The following LACTBL1 variants were observed in gnomAD, a reference collection of about 807,000 sequenced individuals.
The protein encoded by LACTBL1 is lactamase beta like 1.
LACTBL1 carries 29 observed loss-of-function variants against 39.6 expected under a neutral mutation model. The observed-to-expected ratio is 0.73, with a 90% CI of 0.55 to 1.00. The LOEUF (loss-of-function observed/expected upper bound fraction) is 1.00, where lower values mean the gene tolerates loss of function less well. Among genes scored for constraint, LACTBL1 ranks in the 50% least tolerant of loss-of-function variants. LACTBL1 has a pLI of 0.00. For missense variants in LACTBL1, 711 were observed against 748.5 expected (o/e 0.95, Z 0.59); for synonymous variants, 361 against 360.7 (o/e 1.00, Z -0.01).
chr1:22,971,465 A>G, the LACTBL1 span, among the ~76,000 whole-genome samples: 1 of 151,854 alleles, frequency 6.6e-6, no homozygotes, highest in Non-Finnish European at 1.5e-5. Context: ...GCCCAGGAAG[A>G]ACCAGGCTCT....
At chr1:22,968,768 G>A (rs1039963198), upstream of LACTBL1, among the ~76,000 whole-genome samples, 5 of 152,154 alleles carry the variant, frequency 3.3e-5, no homozygotes, top group Admixed American at 6.5e-5. Context: ...TTCCTCACCT[G>A]TAAAATGGGG....
At chr1:22,955,263 G>GGT in intron 5 of LACTBL1, 58 bp downstream of exon 7, 1 of 1,359,674 alleles carries the variant, frequency 7.4e-7, no homozygotes, top group Non-Finnish European at 1.0e-6. Flanking sequence ...TTGCCAGGCA[G>GGT]GTGTGTCTCC....
intron 4 of LACTBL1, among the ~76,000 whole-genome samples, chr1:22,957,848 C>T (rs1640777815): frequency 6.6e-6 from 1 of 151,894 alleles, no homozygotes; most frequent in Admixed American, 6.6e-5. Flanking sequence ...GACAGCGTTT[C>T]ACCATGTTGG....
At chr1:22,953,900 C>G in exon 6 of LACTBL1, 2 of 1,550,234 alleles carry the variant, frequency 1.3e-6, no homozygotes, top group Non-Finnish European at 1.7e-6. Context: ...AGGTCAAAGC[C>G]CGTGTCTGCC....
At chr1:22,962,968 T>G (rs1288641963) in intron 2 of LACTBL1, 139 bp downstream of exon 4, 1 of 431,988 alleles carries the variant, frequency 2.3e-6, no homozygotes, top group East Asian at 3.6e-5. Flanking sequence ...CCATAGTGCC[T>G]CGCACAGAGT....
At chr1:22,957,906 C>T (rs1328322284) in intron 4 of LACTBL1, among the ~76,000 whole-genome samples, 1 of 152,104 alleles carries the variant, frequency 6.6e-6, no homozygotes, top group Non-Finnish European at 1.5e-5. Context: ...CCCGCCTCAA[C>T]CTTCCAAAGT....
At chr1:22,961,932 G>A (rs899728373) in intron 2 of LACTBL1, among the ~76,000 whole-genome samples, 3 of 151,976 alleles carry the variant, frequency 2.0e-5, no homozygotes, top group Non-Finnish European at 4.4e-5. Context: ...ATTTTTAGTA[G>A]AGACAGGCTT....
At chr1:22,963,243 G>T in intron 1 of LACTBL1, 27 bp from the exon 4 acceptor site, 1 of 1,244,624 alleles carries the variant, frequency 8.0e-7, no homozygotes, top group African/African-American at 1.6e-5. Context: ...ATGGTGAGGA[G>T]GGGACAGAGA....
rs570859619 is a variant in LACTBL1, at chr1:22,959,660, C to T, written c.317+282G>A. On this transcript the variant is annotated intron_variant, in intron 3 of 5. Transcript: ENST00000426928. Reference sequence around the variant, plus strand: ...ACATGGTCAGGGTTGGGGGGATGGGCACAAGGTAGCCTTTTCTAGTTTGGG... The same window carrying T: ...ACATGGTCAGGGTTGGGGGGATGGGTACAAGGTAGCCTTTTCTAGTTTGGG... 7.2e-5 allele frequency among the ~76,000 whole-genome samples: 11 copies of T among 152,348 alleles called. No homozygotes were observed. The East Asian group carries it at 2.1e-3, about 29-fold the overall frequency.
chr1:22,955,283 T>G, intron 5 of LACTBL1, 38 bp downstream of exon 7: 1 of 1,491,518 alleles, frequency 6.7e-7, no homozygotes, highest in South Asian at 1.2e-5. Flanking sequence ...CCCAGGAGGC[T>G]CCTAACATGA....
chr1:22,953,479 T>C (rs1171411695), exon 6 of LACTBL1: 2 of 1,230,076 alleles, frequency 1.6e-6, no homozygotes, highest in African/African-American at 3.1e-5. Context: ...GAGCTCATCG[T>C]AGGCCCGCGC....
exon 1 of LACTBL1, chr1:22,965,331 C>T: frequency 7.6e-7 from 1 of 1,308,564 alleles, no homozygotes; most frequent in African/African-American, 1.5e-5. Flanking sequence ...CAGGAAGCAG[C>T]CAGTCATGAC....
chr1:22,961,898 C>T (rs560021080), intron 2 of LACTBL1, among the ~76,000 whole-genome samples: 2 of 152,270 alleles, frequency 1.3e-5, no homozygotes, highest in South Asian at 4.1e-4. Flanking sequence ...AGGCATATGC[C>T]ACCATGCCCG....
Position 22,953,088 on chromosome 1 carries a change from G to T in LACTBL1, c.1596C>A (p.Tyr532Ter), listed in dbSNP as rs1640718948. Reference sequence around the variant, plus strand: ...GCTTGCCCCGCAGCCGCAGCACTCTGTACGTGTTGAGGCCGGGCACGTCGA... The same window carrying T: ...GCTTGCCCCGCAGCCGCAGCACTCTTTACGTGTTGAGGCCGGGCACGTCGA... The change falls in exon 6 of 6, where the codon TAC becomes TAA. Residue 532 changes from tyrosine (Y) to a stop codon, truncating the protein, a stop_gained. Coordinates refer to ENST00000426928, the Ensembl canonical transcript of LACTBL1. LOFTEE classifies it high-confidence loss of function. 7 of 1,232,296 alleles carry T rather than the reference G, an allele frequency of 5.7e-6. No individual in the cohort carries two copies. Among genetic ancestry groups the T allele is most frequent in the Non-Finnish European group, 7.1e-6 (7 of 988,046 alleles). 76.3% of individuals were successfully genotyped at this position (1,232,296 alleles called of 1,614,324 possible). A position where few individuals can be genotyped will look rare whatever the true frequency, so the allele number is the denominator to read the frequency against.
At chr1:22,960,062 C>T (rs938661123) in exon 3 of LACTBL1, 57 of 1,550,588 alleles carry the variant, frequency 3.7e-5, no homozygotes, top group Non-Finnish European at 4.9e-5. Flanking sequence ...GGCAGCCACG[C>T]CTGGGGCAGA....
intron 5 of LACTBL1, 24 bp downstream of exon 7, chr1:22,955,297 T>A: frequency 6.5e-7 from 1 of 1,531,220 alleles, no homozygotes; most frequent in Non-Finnish European, 8.9e-7. Context: ...AACATGAGGC[T>A]GGGCATCAGG....
At chr1:22,953,954 A>G (rs1326138120) in exon 6 of LACTBL1, 8 of 1,549,960 alleles carry the variant, frequency 5.2e-6, no homozygotes, top group Admixed American at 3.9e-5. Context: ...CAGCGCTGGT[A>G]GTCGCCCTGG....
intron 2 of LACTBL1, among the ~76,000 whole-genome samples, chr1:22,960,441 C>A (rs192586373): frequency 1.3e-5 from 2 of 151,788 alleles, no homozygotes; most frequent in South Asian, 2.1e-4. Flanking sequence ...CATGGTGAAA[C>A]CCTGTCTCTA....
chr1:22,959,421 A>G (rs183132208), intron 3 of LACTBL1, among the ~76,000 whole-genome samples: 6 of 152,350 alleles, frequency 3.9e-5, no homozygotes, highest in East Asian at 3.9e-4. Flanking sequence ...TTTAAATGCA[A>G]TTCCCTCAGG....
Sources: allele counts gnomAD v4.1 joint callset (sites outside exome capture counted in the v4.1 genomes callset), GRCh38; gene constraint gnomAD v4.1.1; transcripts MANE v1.5; gene names NCBI Gene and HGNC (gene_info 2026-07-23, HGNC 2026-07-21).